TMEM132D: variants seen among roughly 807,000 people sequenced by gnomAD.
The protein encoded by TMEM132D is mature OL transmembrane protein.
TMEM132D carries 21 observed loss-of-function variants against 62.3 expected under a neutral mutation model. The observed-to-expected ratio is 0.34, with a 90% CI of 0.24 to 0.49. The LOEUF is 0.49. TMEM132D is among the 20% of genes least tolerant of loss of function. TMEM132D has a pLI of 0.99. For missense variants in TMEM132D, 1,346 were observed against 1,402.8 expected (o/e 0.96, Z 0.65); for synonymous variants, 621 against 575.6 (o/e 1.08, Z -1.13).
At chr12:129,385,141 C>G (rs1871074984) in intron 3 of TMEM132D, among the ~76,000 whole-genome samples, 1 of 127,854 alleles carries the variant, frequency 7.8e-6, no homozygotes, top group African/African-American at 3.1e-5. Flanking sequence ...GTCACCCAGG[C>G]TGGAGTGCAG....
chr12:129,427,715 A>AT (rs1425496426), intron 3 of TMEM132D, among the ~76,000 whole-genome samples: 1 of 151,948 alleles, frequency 6.6e-6, no homozygotes, highest in Non-Finnish European at 1.5e-5. Flanking sequence ...AATCTTGTAA[A>AT]TTTTCTAGAG....
At chr12:129,803,250 C>T (rs1302348701) in intron 1 of TMEM132D, among the ~76,000 whole-genome samples, 10 of 146,906 alleles carry the variant, frequency 6.8e-5, no homozygotes, top group Admixed American at 2.7e-4. Context: ...TTTTCAGCAC[C>T]ACACCACACC....
chr12:129,807,301 G>A (rs968863924), intron 1 of TMEM132D, among the ~76,000 whole-genome samples: 2 of 152,166 alleles, frequency 1.3e-5, no homozygotes, highest in East Asian at 1.9e-4. Context: ...CTCCAGCTGC[G>A]CCTGCGTTCT....
At chr12:129,146,894 G>A (rs945873727) in intron 5 of TMEM132D, among the ~76,000 whole-genome samples, 2 of 152,120 alleles carry the variant, frequency 1.3e-5, no homozygotes, top group Admixed American at 1.3e-4. Flanking sequence ...TTCTACAGAG[G>A]GGAAACTGAG....
intron 2 of TMEM132D, among the ~76,000 whole-genome samples, chr12:129,638,054 C>A (rs973033168): frequency 3.0e-4 from 45 of 152,302 alleles, no homozygotes; most frequent in African/African-American, 1.1e-3. Flanking sequence ...TACTCACTCC[C>A]TGCACAATTT....
chr12:129,757,040 G>T (rs1263420459), intron 1 of TMEM132D, among the ~76,000 whole-genome samples: 1 of 152,070 alleles, frequency 6.6e-6, no homozygotes, highest in Non-Finnish European at 1.5e-5. Flanking sequence ...CAGATACTTG[G>T]GGGTTACAAA....
chr12:129,448,667 T>C (rs1873178939), intron 3 of TMEM132D, among the ~76,000 whole-genome samples: 1 of 152,154 alleles, frequency 6.6e-6, no homozygotes, highest in African/African-American at 2.4e-5. Flanking sequence ...TTTCAAAGTA[T>C]ATAATAAATA....
chr12:129,315,603 T>C (rs1219914680), intron 4 of TMEM132D, among the ~76,000 whole-genome samples: 1 of 152,172 alleles, frequency 6.6e-6, no homozygotes, highest in East Asian at 1.9e-4. Flanking sequence ...ATCTGTAGTT[T>C]TCTTTTTTGG....
intron 3 of TMEM132D, among the ~76,000 whole-genome samples, chr12:129,353,377 A>C (rs1566042523): frequency 6.6e-6 from 1 of 152,174 alleles, no homozygotes; most frequent in Non-Finnish European, 1.5e-5. Flanking sequence ...AGAGGTGACA[A>C]GAACAGAGTT....
intron 1 of TMEM132D, among the ~76,000 whole-genome samples, chr12:129,850,235 G>A (rs758736157): frequency 6.6e-6 from 1 of 152,130 alleles, no homozygotes; most frequent in South Asian, 2.1e-4. Flanking sequence ...CGAGGAACAC[G>A]TGACTCACAG....
intron 5 of TMEM132D, among the ~76,000 whole-genome samples, chr12:129,087,923 ACCGGGTG>A (rs1874685928): frequency 1.0e-5 from 1 of 100,378 alleles, no homozygotes; most frequent in African/African-American, 4.6e-5. Context: ...GTCCTCCCTG[ACCGGGTG>A]TCCTCCATGA....
intron 5 of TMEM132D, among the ~76,000 whole-genome samples, chr12:129,148,073 A>G (rs534546778): frequency 7.9e-5 from 12 of 152,246 alleles, no homozygotes; most frequent in African/African-American, 2.9e-4. Context: ...AGGCTACCAT[A>G]ATAGTAATGG....
intron 1 of TMEM132D, among the ~76,000 whole-genome samples, chr12:129,734,093 GA>G (rs1869341776): frequency 6.6e-6 from 1 of 152,252 alleles, no homozygotes; most frequent in Middle Eastern, 3.4e-3. Context: ...GCTCAAGACT[GA>G]AAAAGGACAA....
intron 4 of TMEM132D, among the ~76,000 whole-genome samples, chr12:129,251,632 T>C (rs1880270095): frequency 6.6e-6 from 1 of 152,234 alleles, no homozygotes; most frequent in African/African-American, 2.4e-5. Flanking sequence ...TTTAAGTTAG[T>C]GTTTTTGACA....
Position 129,531,385 on chromosome 12 carries a change from C to T in TMEM132D, c.969-180G>A, listed in dbSNP as rs79312443. 1.3e-3 allele frequency among the ~76,000 whole-genome samples: 195 copies of T among 152,262 alleles called. 1 individual carries two copies. Among genetic ancestry groups the T allele is most frequent in the South Asian group, 2.9e-3 (14 of 4,822 alleles). The stretch of plus-strand genomic sequence containing the variant: ...CAACCCATCTGCCCTAATTTCTTTC[C>T]GTTTTTCCTACCTTTACTAAAGAGC... On this transcript the variant is annotated intron_variant, in intron 2 of 8. Coordinates refer to ENST00000422113, the MANE Select transcript of TMEM132D (RefSeq NM_133448.3).
At chr12:129,828,766 G>GGGAGGAAA (rs1872738700) in intron 1 of TMEM132D, among the ~76,000 whole-genome samples, 2 of 112,522 alleles carry the variant, frequency 1.8e-5, no homozygotes, top group Non-Finnish European at 3.9e-5. Flanking sequence ...AAAGGAGGGA[G>GGGAGGAAA]GGAGGGAGGA....
intron 1 of TMEM132D, among the ~76,000 whole-genome samples, chr12:129,868,113 G>C (rs1454770773): frequency 1.6e-5 from 2 of 125,154 alleles, no homozygotes; most frequent in South Asian, 2.3e-4. Context: ...GACAGCATTT[G>C]TATGGTACAC....
At chr12:129,285,769 T>C (rs1304464891) in intron 4 of TMEM132D, among the ~76,000 whole-genome samples, 1 of 152,090 alleles carries the variant, frequency 6.6e-6, no homozygotes, top group Non-Finnish European at 1.5e-5. Flanking sequence ...ACTTTTTTTT[T>C]CTCCCTCCAT....
At chr12:129,131,742 GTCACACTTAAATACCA>G (rs1278418362) in intron 5 of TMEM132D, among the ~76,000 whole-genome samples, 1 of 152,178 alleles carries the variant, frequency 6.6e-6, no homozygotes, top group Non-Finnish European at 1.5e-5. Flanking sequence ...TACAGATGAT[GTCACACTTAAATACCA>G]TCACACTCGA....
Sources: gnomAD v4.1 joint callset for allele counts (sites outside exome capture counted in the v4.1 genomes callset) on GRCh38, gnomAD v4.1.1 for gene constraint, MANE v1.5 for transcripts, NCBI Gene and HGNC (gene_info 2026-07-23, HGNC 2026-07-21) for gene names.